Variants in MEMO1 observed in about 807,000 individuals in gnomAD.
MEMO1 encodes the protein protein MEMO1.
A neutral mutation model predicts 45.2 loss-of-function variants in MEMO1; 6 were observed. That is an observed-to-expected ratio of 0.13 (90% confidence interval 0.07 to 0.26). The LOEUF (loss-of-function observed/expected upper bound fraction) is 0.26, where lower values mean the gene tolerates loss of function less well. Among genes scored for constraint, MEMO1 ranks in the 10% least tolerant of loss-of-function variants. The pLI, the probability that MEMO1 is intolerant of heterozygous loss-of-function variation, is 1.00. For synonymous variants in MEMO1, 78 were observed against 124.3 expected (o/e 0.63, Z 2.48); for missense variants, 184 against 370.5 (o/e 0.50, Z 4.13).
At chr2:31,970,588 T>C (rs1669268471) in intron 2 of MEMO1, among the ~76,000 whole-genome samples, 1 of 152,018 alleles carries the variant, frequency 6.6e-6, no homozygotes, top group South Asian at 2.1e-4. Context: ...AACTGTATAG[T>C]TCTCATTGAC....
At chr2:31,999,289 G>T (rs1672979512) in intron 2 of MEMO1, among the ~76,000 whole-genome samples, 2 of 152,042 alleles carry the variant, frequency 1.3e-5, no homozygotes, top group African/African-American at 4.8e-5. Flanking sequence ...CATCACAGCA[G>T]CCAAGTAATT....
intron 4 of MEMO1, among the ~76,000 whole-genome samples, chr2:31,931,699 AT>A (rs1189319408): frequency 6.6e-6 from 1 of 152,194 alleles, no homozygotes; most frequent in African/African-American, 2.4e-5. Context: ...AGTAACCACA[AT>A]TTTAACAAGT....
At chr2:32,007,092 G>A (rs533477404) in intron 2 of MEMO1, among the ~76,000 whole-genome samples, 1 of 152,002 alleles carries the variant, frequency 6.6e-6, no homozygotes, top group African/African-American at 2.4e-5. Flanking sequence ...TCTCAACTGA[G>A]TAAGTCCAGT....
At chr2:31,915,074 G>A (rs1392293450) in intron 6 of MEMO1, among the ~76,000 whole-genome samples, 1 of 151,930 alleles carries the variant, frequency 6.6e-6, no homozygotes, top group African/African-American at 2.4e-5. Flanking sequence ...AGAGGCTACA[G>A]TGAGCCATGA....
chr2:31,869,707 A>T, intron 9 of MEMO1, 141 bp downstream of exon 9: 2 of 778,600 alleles, frequency 2.6e-6, no homozygotes, highest in Non-Finnish European at 3.8e-6. Flanking sequence ...AAGCAATGGA[A>T]CTCCAAATTA....
chr2:31,949,993 GA>G (rs1240502914), intron 2 of MEMO1, among the ~76,000 whole-genome samples: 2 of 152,054 alleles, frequency 1.3e-5, no homozygotes, highest in African/African-American at 2.4e-5. Context: ...CACTAAGAAG[GA>G]AAAAAACCTC....
Position 31,918,029 on chromosome 2 carries a change from C to T in MEMO1, c.334G>A (p.Glu112Lys). 6.2e-7 allele frequency: 1 copy of T among 1,606,510 alleles called. No individual in the cohort carries two copies. The highest frequency in any genetic ancestry group is 8.5e-7 in the Non-Finnish European group (1 of 1,175,754). The change falls in exon 6 of 10, where the codon GAA becomes AAA. Residue 112 changes from glutamate to lysine, a missense_variant. Physicochemically the swap from Glu to Lys is moderately conservative, Grantham distance 56. Coordinates refer to ENST00000404530, the MANE Select transcript of MEMO1 (RefSeq NM_001301833.4). ...DLRIDQKIYG[E>K]LWKTGMFERM... ...TCAAACATTCCTGTCTTCCACAGTTCTCCGTAAACTAAAGAGATTTCAAAA... is the reference window on the plus strand; with the variant it reads ...TCAAACATTCCTGTCTTCCACAGTTTTCCGTAAACTAAAGAGATTTCAAAA...
chr2:31,932,046 A>T (rs1162836574), intron 4 of MEMO1, 21 bp downstream of exon 4: 4 of 1,605,124 alleles, frequency 2.5e-6, no homozygotes, highest in Non-Finnish European at 3.4e-6. Context: ...CTCCGACTTA[A>T]AACAAAACTA....
At chr2:31,974,074 TA>T (rs764487229) in intron 2 of MEMO1, among the ~76,000 whole-genome samples, 54 of 152,240 alleles carry the variant, frequency 3.5e-4, no homozygotes, top group Non-Finnish European at 7.1e-4. Context: ...CAGAAACTGC[TA>T]ATTGTTTCTC....
At chr2:31,937,293 G>C (rs552495621) in intron 3 of MEMO1, among the ~76,000 whole-genome samples, 2 of 152,210 alleles carry the variant, frequency 1.3e-5, no homozygotes, top group South Asian at 2.1e-4. Context: ...TAAATAGTCT[G>C]AGCTAAGGAA....
intron 2 of MEMO1, among the ~76,000 whole-genome samples, chr2:31,988,049 T>A (rs977451405): frequency 2.6e-5 from 4 of 152,070 alleles, no homozygotes; most frequent in Non-Finnish European, 2.9e-5. Context: ...TACAGAGAGA[T>A]TAAGATTGAT....
intron 6 of MEMO1, among the ~76,000 whole-genome samples, chr2:31,908,830 A>T (rs1680147375): frequency 6.6e-6 from 1 of 152,210 alleles, no homozygotes; most frequent in Admixed American, 6.5e-5. Context: ...ACAGACTTGG[A>T]GTAAAAGTAA....
chr2:31,883,201 G>A (rs1675672481), intron 8 of MEMO1, among the ~76,000 whole-genome samples, 185 bp downstream of exon 8: 1 of 152,046 alleles, frequency 6.6e-6, no homozygotes, highest in African/African-American at 2.4e-5. Flanking sequence ...AAATTATGAT[G>A]ACGGAAATTC....
chr2:31,969,263 CTA>C (rs150028904), intron 2 of MEMO1, among the ~76,000 whole-genome samples: 98 of 145,036 alleles, frequency 6.8e-4, no homozygotes, highest in Admixed American at 9.0e-4. Context: ...GGCTACAAAG[CTA>C]TATATATATA....
At chr2:31,976,751 T>C (rs879832047) in intron 2 of MEMO1, among the ~76,000 whole-genome samples, 1 of 152,206 alleles carries the variant, frequency 6.6e-6, no homozygotes, top group Admixed American at 6.5e-5. Flanking sequence ...AGAGAGTCTT[T>C]CATTTCCTGA....
At chr2:31,916,068 G>T (rs1681390119) in intron 6 of MEMO1, among the ~76,000 whole-genome samples, 1 of 151,940 alleles carries the variant, frequency 6.6e-6, no homozygotes, top group Non-Finnish European at 1.5e-5. Context: ...ATTTAAAAGG[G>T]GGAATTATAA....
At chr2:31,891,892 G>C (rs1677039681) in intron 7 of MEMO1, 100 bp downstream of exon 7, 3 of 1,243,522 alleles carry the variant, frequency 2.4e-6, no homozygotes, top group South Asian at 1.6e-5. Context: ...ACTTTCCAAG[G>C]AAAGTGATAA....
chr2:31,922,568 T>C (rs370982621), intron 4 of MEMO1, among the ~76,000 whole-genome samples: 45 of 152,170 alleles, frequency 3.0e-4, no homozygotes, highest in Middle Eastern at 3.4e-3. Flanking sequence ...GTACAGATTA[T>C]TTGGACACCC....
Position 31,879,231 on chromosome 2 carries a change from A to C in MEMO1, c.657+4155T>G, listed in dbSNP as rs536299433. Among the ~76,000 whole-genome samples the C allele has an allele frequency of 2.0e-3, 305 of 152,240 alleles. 1 individual carries two copies. Among genetic ancestry groups the C allele is most frequent in the Non-Finnish European group, 3.2e-3 (219 of 67,998 alleles). On this transcript the variant is annotated intron_variant, in intron 8 of 9. Coordinates refer to ENST00000404530, the MANE Select transcript of MEMO1 (RefSeq NM_001301833.4). ...ACTGCTCTTGCAAGGTTCTTAATTC[A>C]CCTCTGTGCAGCATTTGATACTCTT...
Sources: gnomAD v4.1 joint callset for allele counts (sites outside exome capture counted in the v4.1 genomes callset) on GRCh38, gnomAD v4.1.1 for gene constraint, MANE v1.5 for transcripts, NCBI Gene and HGNC (gene_info 2026-07-23, HGNC 2026-07-21) for gene names.